Variants in KCTD16 observed in about 807,000 individuals in gnomAD.
The protein encoded by KCTD16 is BTB/POZ domain-containing protein KCTD16.
A neutral mutation model predicts 33.2 loss-of-function variants in KCTD16; 13 were observed. That is an observed-to-expected ratio of 0.39 (90% CI 0.25 to 0.62). The LOEUF is 0.62. KCTD16 is among the 20% of genes least tolerant of loss of function. The probability of loss-of-function intolerance (pLI) is 0.50; values close to 1 mark genes in which losing one functional copy is unlikely to be tolerated. For missense variants in KCTD16, 441 were observed against 525.1 expected (o/e 0.84, Z 1.57); for synonymous variants, 197 against 195.3 (o/e 1.01, Z -0.07).
At position 144,395,194 on chromosome 5, in the gene KCTD16, A is replaced by C. The variant is rs187034935; in HGVS notation, c.833-78466A>C. Among the ~76,000 whole-genome samples the C allele has an allele frequency of 3.4e-4, 52 of 152,330 alleles. No individual in the cohort carries two copies. In the East Asian group the frequency reaches 9.5e-3, roughly 28 times the overall value. On this transcript the variant is annotated intron_variant, in intron 3 of 3. Coordinates refer to ENST00000512467, the MANE Select transcript of KCTD16 (RefSeq NM_020768.4). The stretch of plus-strand genomic sequence containing the variant: ...ACTTAAGGACTAAGGCAGAAATTGG[A>C]GAATCAGTGCAATCATGGAGTGTTT...
At chr5:144,291,231 G>T (rs1189096121) in intron 3 of KCTD16, among the ~76,000 whole-genome samples, 10 of 152,080 alleles carry the variant, frequency 6.6e-5, no homozygotes, top group Non-Finnish European at 1.3e-4. Context: ...CACAGTATCT[G>T]GTTGACACCA....
intron 2 of KCTD16, among the ~76,000 whole-genome samples, chr5:144,196,564 A>G (rs1019824192): frequency 3.3e-5 from 5 of 152,232 alleles, no homozygotes; most frequent in African/African-American, 1.2e-4. Flanking sequence ...ATTATGGCAC[A>G]TCAACAACAC....
At chr5:144,439,960 AAAC>A (rs1753665976) in intron 3 of KCTD16, among the ~76,000 whole-genome samples, 1 of 152,116 alleles carries the variant, frequency 6.6e-6, no homozygotes, top group Admixed American at 6.6e-5. Context: ...AAAAAAAAAA[AAAC>A]ATATTTAAAA....
At position 144,406,295 on chromosome 5, in the gene KCTD16, A is replaced by T. The variant is rs555335745; in HGVS notation, c.833-67365A>T. ...TTTATGTTTTCCCATCATGAGGCAC[A>T]GTTAGTTAGTTCCTTACTTTGTCTC... On this transcript the variant is annotated intron_variant, in intron 3 of 3. Coordinates refer to ENST00000512467, the MANE Select transcript of KCTD16 (RefSeq NM_020768.4). Among the ~76,000 whole-genome samples the T allele has an allele frequency of 1.4e-4, 22 of 152,322 alleles. No homozygotes were observed. In the South Asian group the frequency reaches 3.9e-3, roughly 27 times the overall value.
chr5:144,360,775 G>C (rs566232237), intron 3 of KCTD16, among the ~76,000 whole-genome samples: 1 of 152,008 alleles, frequency 6.6e-6, no homozygotes, highest in South Asian at 2.1e-4. Context: ...TGGTATATAT[G>C]TGCCACATTT....
At chr5:144,397,265 A>G (rs1354066826) in intron 3 of KCTD16, among the ~76,000 whole-genome samples, 1 of 151,888 alleles carries the variant, frequency 6.6e-6, no homozygotes, top group East Asian at 1.9e-4. Context: ...ATCCTTTTTT[A>G]TGGCTGCATA....
intron 3 of KCTD16, among the ~76,000 whole-genome samples, chr5:144,405,214 C>G (rs985986596): frequency 6.6e-6 from 1 of 152,164 alleles, no homozygotes; most frequent in Non-Finnish European, 1.5e-5. Context: ...TGTAAATTAA[C>G]AATCCATGTT....
chr5:144,361,901 T>A (rs1424774761), intron 3 of KCTD16, among the ~76,000 whole-genome samples: 3 of 130,934 alleles, frequency 2.3e-5, no homozygotes, highest in Admixed American at 1.7e-4. Flanking sequence ...GAGGCTGGTG[T>A]TATTTTGTGT....
At position 144,256,181 on chromosome 5, in the gene KCTD16, C is replaced by T. The variant is rs529711063; in HGVS notation, c.832+48635C>T. 3.3e-5 allele frequency among the ~76,000 whole-genome samples: 5 copies of T among 152,244 alleles called. No individual in the cohort carries two copies. In the East Asian group the frequency reaches 5.8e-4, roughly 18 times the overall value. On this transcript the variant is annotated intron_variant, in intron 3 of 3. Transcript: ENST00000512467. The stretch of plus-strand genomic sequence containing the variant: ...TTCTTAAACTAAACTCCTTTCCTCA[C>T]GAACTGGGCATTGCCTGTGGGAATA...
intron 3 of KCTD16, among the ~76,000 whole-genome samples, chr5:144,297,393 G>T (rs1756069561): frequency 6.6e-6 from 1 of 152,150 alleles, no homozygotes; most frequent in Non-Finnish European, 1.5e-5. Context: ...TGGGTTCAGG[G>T]TTGGTTAAGC....
At chr5:144,277,020 G>A (rs1755456952) in intron 3 of KCTD16, among the ~76,000 whole-genome samples, 1 of 152,144 alleles carries the variant, frequency 6.6e-6, no homozygotes, top group East Asian at 1.9e-4. Context: ...TAAATGACAA[G>A]GTGTGAAGCA....
At chr5:144,385,806 G>A (rs1345549417) in intron 3 of KCTD16, among the ~76,000 whole-genome samples, 1 of 152,064 alleles carries the variant, frequency 6.6e-6, no homozygotes, top group Non-Finnish European at 1.5e-5. Context: ...TGTGTCTTGT[G>A]GGGAGGAGGG....
intron 3 of KCTD16, among the ~76,000 whole-genome samples, chr5:144,343,712 C>T (rs987814545): frequency 2.6e-5 from 4 of 152,134 alleles, no homozygotes; most frequent in Non-Finnish European, 4.4e-5. Context: ...CTCTTGTTGG[C>T]ATTTAGTGGT....
rs1754530854 is a variant in KCTD16, at chr5:144,473,763, A to G, written c.936A>G (p.Thr312=). 2 of 1,614,108 alleles carry G rather than the reference A, an allele frequency of 1.2e-6. No individual in the cohort carries two copies. The highest frequency in any genetic ancestry group is 1.7e-6 in the Non-Finnish European group (2 of 1,179,998). ...GCACGTCTTGCAATGACCTCTCCAC[A>G]TCTAGCTGCGACAGCCAGTCTGAGG... ...ESGTSCNDLS[T]SSCDSQSEAS... The change falls in exon 4 of 4, where the codon ACA becomes ACG. Residue 312 remains threonine, a synonymous_variant. Coordinates refer to ENST00000512467, the MANE Select transcript of KCTD16 (RefSeq NM_020768.4).
chr5:144,451,633 T>C (rs1030224421), intron 3 of KCTD16, among the ~76,000 whole-genome samples: 2 of 152,210 alleles, frequency 1.3e-5, no homozygotes, highest in Admixed American at 6.6e-5. Context: ...AACACTTCTA[T>C]TGAAACAGAA....
intron 3 of KCTD16, among the ~76,000 whole-genome samples, chr5:144,304,990 T>C (rs1751560049): frequency 6.7e-6 from 1 of 149,276 alleles, no homozygotes; most frequent in South Asian, 2.2e-4. Context: ...TTTTTTTTTT[T>C]TTTTTTTTTT....
At position 144,257,411 on chromosome 5, in the gene KCTD16, T is replaced by A. The variant is rs567994786; in HGVS notation, c.832+49865T>A. ...TAAGAATGACACATTTGTTTCAGGTTTGCAAATTCTAAAATAATTCCAAAC... is the reference window on the plus strand; with the variant it reads ...TAAGAATGACACATTTGTTTCAGGTATGCAAATTCTAAAATAATTCCAAAC... On this transcript the variant is annotated intron_variant, in intron 3 of 3. Transcript: ENST00000512467. Among the ~76,000 whole-genome samples, 126 of 152,298 alleles carry A rather than the reference T, an allele frequency of 8.3e-4. 1 individual carries two copies. The highest frequency in any genetic ancestry group is 3.0e-3 in the African/African-American group (124 of 41,580).
At chr5:144,461,658 T>C (rs1754198366) in intron 3 of KCTD16, among the ~76,000 whole-genome samples, 1 of 152,220 alleles carries the variant, frequency 6.6e-6, no homozygotes, top group African/African-American at 2.4e-5. Context: ...GTCGCTCTGT[T>C]GTGGCTCCTC....
intron 2 of KCTD16, among the ~76,000 whole-genome samples, chr5:144,177,805 G>A (rs1167449043): frequency 6.6e-6 from 1 of 152,078 alleles, no homozygotes; most frequent in African/African-American, 2.4e-5. Context: ...TATGTCTTTT[G>A]GGGGGATGTA....
Sources: gnomAD v4.1 joint callset for allele counts (sites outside exome capture counted in the v4.1 genomes callset) on GRCh38, gnomAD v4.1.1 for gene constraint, MANE v1.5 for transcripts, NCBI Gene and HGNC (gene_info 2026-07-23, HGNC 2026-07-21) for gene names.